Variants in WASHC5 observed in about 807,000 individuals in gnomAD.
WASHC5 encodes the protein WASH complex subunit strumpellin.
In WASHC5, 101 loss-of-function variants were observed where a neutral mutation model predicts 150.4. That is an observed-to-expected ratio of 0.67 (90% CI 0.57 to 0.79). WASHC5 has a LOEUF of 0.79. Ranked by LOEUF, WASHC5 falls within the 30% of genes least tolerant of loss-of-function variation. The pLI is 0.00. For synonymous variants in WASHC5, 467 were observed against 491.2 expected (o/e 0.95, Z 0.65); for missense variants, 1,195 against 1,396.3 (o/e 0.86, Z 2.30).
In WASHC5 at chr8:125,083,845, A is replaced by G; in HGVS notation, c.54T>C (p.Ile18=). 6.2e-7 allele frequency: 1 copy of G among 1,614,102 alleles called. No homozygotes were observed. The highest frequency in any genetic ancestry group is 8.5e-7 in the Non-Finnish European group (1 of 1,179,986). ...NNLCGQAILR[I]VSCGNAIIAE... is the part of the protein sequence containing the mutation. The stretch of plus-strand genomic sequence containing the variant: ...CAATGATGGCATTACCACAGGAAAC[A>G]ATCCTTAGGATTGCTTGGCCACAGA... The change falls in exon 2 of 29, where the codon ATT becomes ATC. Residue 18 remains isoleucine (I), a synonymous_variant. Transcript: ENST00000318410.
chr8:125,031,869 A>G (rs887440134), intron 27 of WASHC5, among the ~76,000 whole-genome samples: 1 of 152,168 alleles, frequency 6.6e-6, no homozygotes, highest in African/African-American at 2.4e-5. Context: ...CTCCCACTGA[A>G]GTGAGTGGAA....
intron 6 of WASHC5, 77 bp downstream of exon 6, chr8:125,078,661 G>A (rs1817133769): frequency 2.5e-6 from 3 of 1,179,130 alleles, no homozygotes; most frequent in African/African-American, 3.0e-5. Flanking sequence ...AAGAAGGAAG[G>A]AAAGGAGTAA....
At chr8:125,058,964 CTT>C (rs777878542) in intron 14 of WASHC5, among the ~76,000 whole-genome samples, 149 of 151,920 alleles carry the variant, frequency 9.8e-4, no homozygotes, top group Non-Finnish European at 1.9e-3. Flanking sequence ...ACAGATAAAA[CTT>C]AAAAAAAAAT....
At position 125,032,384 on chromosome 8, in the gene WASHC5, G is replaced by A; in HGVS notation, c.3192C>T (p.Cys1064=). The A allele has an allele frequency of 1.9e-6, 3 of 1,613,970 alleles. No individual in the cohort carries two copies. The highest frequency in any genetic ancestry group is 2.5e-6 in the Non-Finnish European group (3 of 1,180,008). ...AATCAACCGGGTCGGTCGGTTTTCG[G>A]CAGACCATTCCTGCAAGGGAACAAG... ...LQYNKNLGMV[C]RKPTDPVDWP... is the part of the protein sequence containing the mutation. Residue 1064 remains cysteine, a synonymous_variant, in exon 27 of 29, where the codon TGC becomes TGT. Coordinates refer to ENST00000318410, the MANE Select transcript of WASHC5 (RefSeq NM_014846.4).
intron 13 of WASHC5, 21 bp from the exon 14 acceptor site, chr8:125,059,318 G>A: frequency 6.2e-7 from 1 of 1,613,340 alleles, no homozygotes; most frequent in Non-Finnish European, 8.5e-7. Flanking sequence ...AAAAGAAACG[G>A]TAAGAAGATG....
intron 28 of WASHC5, among the ~76,000 whole-genome samples, chr8:125,025,833 G>GACACACACACACACACACAC (rs34050035): frequency 0.02 from 2,940 of 148,060 alleles, 45 homozygotes; most frequent in South Asian, 0.056. Context: ...TATGCAGACA[G>GACACACACACACACACACAC]ACACACACAC....
Position 125,067,695 on chromosome 8 carries a change from A to C in WASHC5, c.1175T>G (p.Leu392Arg). Residue 392 changes from leucine to arginine, a missense_variant, in exon 10 of 29, where the codon CTT (leucine) becomes CGT (arginine). By Grantham distance (102) the Leu-to-Arg change is moderately radical (BLOSUM62 -2). Coordinates refer to ENST00000318410, the MANE Select transcript of WASHC5 (RefSeq NM_014846.4). ...DSACDPNNKRLRQIKDQILTD... is the reference protein window; with the variant it reads ...DSACDPNNKRRRQIKDQILTD... ...TAGAATCTGGTCCTTGATTTGACGA[A>C]GGCGTTTGTTGTTTGGGTCACAGGC... The C allele has an allele frequency of 2.5e-6, 4 of 1,613,906 alleles. No individual in the cohort carries two copies. Among genetic ancestry groups the C allele is most frequent in the Non-Finnish European group, 3.4e-6 (4 of 1,179,840 alleles).
At position 125,057,683 on chromosome 8, in the gene WASHC5, G is replaced by A. The variant is rs1267752099; in HGVS notation, c.1765-17C>T. 6.8e-7 allele frequency: 1 copy of A among 1,465,050 alleles called. No individual in the cohort carries two copies. The highest frequency in any genetic ancestry group is 9.6e-7 in the Non-Finnish European group (1 of 1,046,676). 90.8% of individuals were successfully genotyped at this position (1,465,050 alleles called of 1,614,324 possible). On this transcript the variant is annotated splice_polypyrimidine_tract_variant and intron_variant, in intron 14 of 28. Transcript: ENST00000318410. ...AGAGGCAAGCTGGAAGAAAAATAAG[G>A]TATATCTGTTTCTTGTTTCAAAAAG...
intron 9 of WASHC5, among the ~76,000 whole-genome samples, chr8:125,069,301 C>T (rs10429437): frequency 0.026 from 3,984 of 152,318 alleles, 175 homozygotes; most frequent in African/African-American, 0.092. Context: ...CCTCCAGAAC[C>T]ATGAGCCAAA....
chr8:125,074,605 C>T (rs1816996971), intron 8 of WASHC5, among the ~76,000 whole-genome samples: 1 of 152,128 alleles, frequency 6.6e-6, no homozygotes, highest in East Asian at 1.9e-4. Flanking sequence ...ATTACAGTGA[C>T]AGGACATATT....
At chr8:125,085,661 T>C (rs1817398877) in intron 1 of WASHC5, among the ~76,000 whole-genome samples, 1 of 152,168 alleles carries the variant, frequency 6.6e-6, no homozygotes, top group African/African-American at 2.4e-5. Context: ...ACACAGAGAC[T>C]CTCGATAAAA....
chr8:125,044,826 C>T (rs1456719387), intron 20 of WASHC5, 128 bp from the exon 21 acceptor site: 1 of 999,152 alleles, frequency 1.0e-6, no homozygotes, highest in African/African-American at 1.6e-5. Context: ...GTTTTCTAAC[C>T]TCTGTATTCA....
chr8:125,056,933 G>A, intron 15 of WASHC5, 116 bp from the exon 16 acceptor site: 1 of 1,236,450 alleles, frequency 8.1e-7, no homozygotes, highest in Admixed American at 1.7e-5. Context: ...ATGTAAAAGA[G>A]CTGTTTTAAT....
At chr8:125,069,624 A>C (rs1816846041) in intron 9 of WASHC5, among the ~76,000 whole-genome samples, 1 of 152,146 alleles carries the variant, frequency 6.6e-6, no homozygotes, top group Admixed American at 6.5e-5. Flanking sequence ...AGGTCATCTT[A>C]TATGCTGATT....
intron 12 of WASHC5, among the ~76,000 whole-genome samples, chr8:125,060,127 T>A (rs1816548530): frequency 6.6e-6 from 1 of 152,170 alleles, no homozygotes; most frequent in Non-Finnish European, 1.5e-5. Flanking sequence ...ATTAATTATA[T>A]CTCTAAAAAT....
At chr8:125,088,460 G>C (rs992418630) in intron 1 of WASHC5, among the ~76,000 whole-genome samples, 1 of 151,488 alleles carries the variant, frequency 6.6e-6, no homozygotes, top group Non-Finnish European at 1.5e-5. Flanking sequence ...AAGGAAATAG[G>C]ATAGAAACAA....
rs113461983 is a variant in WASHC5, at chr8:125,055,317, G to C, written c.2097+274C>G. 0.028 allele frequency among the ~76,000 whole-genome samples: 4,256 copies of C among 152,176 alleles called. 203 individuals carry two copies. Among genetic ancestry groups the C allele is most frequent in the African/African-American group, 0.098 (4,080 of 41,478 alleles). ...GTATGCCTGTAGTACCAACTACTTG[G>C]GGGGCTGAGGCATGAGAATCACTTG... On this transcript the variant is annotated intron_variant, in intron 17 of 28. Coordinates refer to ENST00000318410, the MANE Select transcript of WASHC5 (RefSeq NM_014846.4).
At chr8:125,079,999 T>A (rs1817200809) in intron 5 of WASHC5, among the ~76,000 whole-genome samples, 1 of 152,246 alleles carries the variant, frequency 6.6e-6, no homozygotes, top group Non-Finnish European at 1.5e-5. Context: ...ATCTAACTTT[T>A]TTCTTGGCAA....
intron 10 of WASHC5, 85 bp downstream of exon 10, chr8:125,067,507 C>T (rs1816777831): frequency 8.7e-7 from 1 of 1,152,040 alleles, no homozygotes; most frequent in Non-Finnish European, 1.3e-6. Context: ...AGAGACAGAG[C>T]AAGCAATCCT....
Sources: allele counts gnomAD v4.1 joint callset (sites outside exome capture counted in the v4.1 genomes callset), GRCh38; gene constraint gnomAD v4.1.1; transcripts MANE v1.5; gene names NCBI Gene and HGNC (gene_info 2026-07-23, HGNC 2026-07-21).